The following FBLN2 variants were observed in gnomAD, a reference collection of about 807,000 sequenced individuals.
The protein encoded by FBLN2 is fibulin 2, also known as fibulin-2.
In FBLN2, 81 loss-of-function variants were observed where a neutral mutation model predicts 123.7. That is an observed-to-expected ratio of 0.65 (90% CI 0.55 to 0.79). The LOEUF (loss-of-function observed/expected upper bound fraction) is 0.79. Among genes scored for constraint, FBLN2 ranks in the 30% least tolerant of loss-of-function variants. FBLN2 has a pLI of 0.00. For synonymous variants in FBLN2, 699 were observed against 701.4 expected, an observed-to-expected ratio of 1.00 and a Z score of 0.05; for missense variants, 1,603 against 1,681.3, an observed-to-expected ratio of 0.95 and a Z score of 0.81.
chr3:13,612,934 C>T (rs907813559), intron 4 of FBLN2, among the ~76,000 whole-genome samples: 1 of 152,168 alleles, frequency 6.6e-6, no homozygotes, highest in African/African-American at 2.4e-5. Flanking sequence ...CAGCTGAGTA[C>T]TTCTGCTGAC....
chr3:13,587,049 G>A (rs1704529700), intron 2 of FBLN2, among the ~76,000 whole-genome samples: 1 of 150,758 alleles, frequency 6.6e-6, no homozygotes, highest in Admixed American at 6.6e-5. Context: ...GGAGGCTGAG[G>A]TAGGAGAATC....
chr3:13,562,473 C>T (rs1052554317), intron 1 of FBLN2, among the ~76,000 whole-genome samples: 1 of 151,668 alleles, frequency 6.6e-6, no homozygotes, highest in African/African-American at 2.4e-5. Context: ...TCTCGTGCCT[C>T]AGCCTCCCAA....
chr3:13,609,477 G>A, intron 3 of FBLN2, 36 bp from the exon 4 acceptor site: 1 of 1,518,282 alleles, frequency 6.6e-7, no homozygotes, highest in Non-Finnish European at 8.8e-7. Context: ...AGGATGAGGT[G>A]GGCGACTGGG....
At chr3:13,567,138 T>C (rs1433953798) in intron 1 of FBLN2, among the ~76,000 whole-genome samples, 1 of 145,894 alleles carries the variant, frequency 6.9e-6, no homozygotes, top group Non-Finnish European at 1.5e-5. Context: ...AGGGGCCAGG[T>C]CACCCTGGGG....
chr3:13,587,633 G>T (rs1444122537), intron 2 of FBLN2, among the ~76,000 whole-genome samples: 1 of 152,188 alleles, frequency 6.6e-6, no homozygotes, highest in Non-Finnish European at 1.5e-5. Flanking sequence ...GGAAGTGGGG[G>T]TCAGAGAGGC....
At chr3:13,588,403 T>G (rs931714933) in intron 2 of FBLN2, among the ~76,000 whole-genome samples, 1 of 152,214 alleles carries the variant, frequency 6.6e-6, no homozygotes, top group African/African-American at 2.4e-5. Context: ...GACGCATGAT[T>G]GTGTGGGGTG....
chr3:13,627,105 CAGAGATGGCAG>C (rs1041709424), intron 10 of FBLN2, among the ~76,000 whole-genome samples: 3 of 151,878 alleles, frequency 2.0e-5, no homozygotes, highest in Non-Finnish European at 4.4e-5. Context: ...CACAGGCAAA[CAGAGATGGCAG>C]AGTGACTGGG....
chr3:13,549,596 C>G (rs1703268887), intron 1 of FBLN2, among the ~76,000 whole-genome samples: 1 of 145,978 alleles, frequency 6.9e-6, no homozygotes, highest in African/African-American at 2.5e-5. Context: ...ACCGCAGGAC[C>G]TTGCCGCCCC....
intron 16 of FBLN2, among the ~76,000 whole-genome samples, chr3:13,632,636 G>A (rs1174896369): frequency 2.0e-5 from 3 of 152,180 alleles, no homozygotes; most frequent in Non-Finnish European, 4.4e-5. Flanking sequence ...AGAGTGCAGT[G>A]TGACCCTAGG....
In FBLN2 at chr3:13,570,608, G is replaced by A. The variant is rs201947824; in HGVS notation, c.253G>A (p.Ala85Thr). The A allele has an allele frequency of 1.1e-5, 18 of 1,577,900 alleles. No individual in the cohort carries two copies. Among genetic ancestry groups the A allele is most frequent in the Admixed American group, 5.5e-5 (3 of 54,990 alleles). ...QGGFVRGRVP[A>T]GQSYFVDFGS... The stretch of plus-strand genomic sequence containing the variant: ...TGGCTTCGTGCGCGGCCGCGTGCCC[G>A]CCGGTCAGTCCTATTTTGTGGACTT... Residue 85 changes from alanine to threonine, a missense_variant, in exon 2 of 18, where the codon GCC becomes ACC. Coordinates refer to ENST00000404922, the MANE Select transcript of FBLN2 (RefSeq NM_001004019.2).
chr3:13,571,770 G>A, intron 2 of FBLN2, 109 bp downstream of exon 2: 1 of 1,356,186 alleles, frequency 7.4e-7, no homozygotes, highest in Non-Finnish European at 9.8e-7. Context: ...TGGACTGTGG[G>A]GCCAGGCCTA....
chr3:13,570,935 G>A lies in FBLN2; in HGVS notation c.580G>A (p.Glu194Lys), dbSNP rs369891750. 9.1e-5 allele frequency: 146 copies of A among 1,612,870 alleles called. No individual in the cohort carries two copies. Among genetic ancestry groups the A allele is most frequent in the South Asian group, 7.2e-4 (65 of 90,898 alleles). Residue 194 changes from glutamate (E) to lysine (K), a missense_variant, in exon 2 of 18, where the codon GAA becomes AAA. Coordinates refer to ENST00000404922, the MANE Select transcript of FBLN2 (RefSeq NM_001004019.2). ...GGAGGGTGACCCCGAGCGACACTAC[G>A]AAGACCCCTACAGCTATGACCAGGA... ...AEEGDPERHY[E>K]DPYSYDQEVA...
At chr3:13,631,161 T>A (rs2124909533) in intron 15 of FBLN2, among the ~76,000 whole-genome samples, 168 bp from the exon 16 acceptor site, 1 of 152,276 alleles carries the variant, frequency 6.6e-6, no homozygotes, top group Non-Finnish European at 1.5e-5. Flanking sequence ...GGGAGTCCTG[T>A]TTTGCTTCGT....
At chr3:13,601,355 C>T (rs1006813334) in intron 2 of FBLN2, among the ~76,000 whole-genome samples, 2 of 152,214 alleles carry the variant, frequency 1.3e-5, no homozygotes, top group African/African-American at 2.4e-5. Context: ...TGCCTCCTGT[C>T]ACCAGAAGTA....
chr3:13,570,929 C>A lies in FBLN2; in HGVS notation c.574C>A (p.His192Asn), dbSNP rs1703921693. The A allele has an allele frequency of 6.2e-7, 1 of 1,612,784 alleles. No homozygotes were observed. The highest frequency in any genetic ancestry group is 1.1e-5 in the South Asian group (1 of 90,936). Residue 192 changes from histidine (H) to asparagine (N), a missense_variant, in exon 2 of 18, where the codon CAC (histidine) becomes AAC (asparagine). By Grantham distance (68) the His-to-Asn change is moderately conservative. Transcript: ENST00000404922. ...SDAEEGDPERHYEDPYSYDQE... is the reference protein window; with the variant it reads ...SDAEEGDPERNYEDPYSYDQE... The stretch of plus-strand genomic sequence containing the variant: ...TGCCGAGGAGGGTGACCCCGAGCGA[C>A]ACTACGAAGACCCCTACAGCTATGA...
intron 4 of FBLN2, 50 bp downstream of exon 4, chr3:13,609,692 G>GGGGGGGGGGGGGGT (rs1705327453): frequency 1.8e-4 from 89 of 508,376 alleles, no homozygotes; most frequent in Non-Finnish European, 2.6e-4. Flanking sequence ...GGCGGGGCGG[G>GGGGGGGGGGGGGGT]AGGCTGGCCT....
intron 4 of FBLN2, among the ~76,000 whole-genome samples, chr3:13,612,555 G>A (rs1450228278): frequency 6.6e-6 from 1 of 151,800 alleles, no homozygotes; most frequent in Non-Finnish European, 1.5e-5. Context: ...TGATTTTTTT[G>A]TATTTTTAGT....
rs1021916375 is a variant in FBLN2 at position 13,638,156 on chromosome 3, G to A, written c.*237G>A. ...TTGCACGGTGGGCCACGGCCGTGGCGGGTGCCCTGTGGGTGAGGCTGGGTG... is the reference window on the plus strand; with the variant it reads ...TTGCACGGTGGGCCACGGCCGTGGCAGGTGCCCTGTGGGTGAGGCTGGGTG... On this transcript the variant is annotated 3_prime_UTR_variant, in exon 18 of 18. Coordinates refer to ENST00000404922, the MANE Select transcript of FBLN2 (RefSeq NM_001004019.2). The A allele has an allele frequency of 6.2e-6, 4 of 645,330 alleles. No homozygotes were observed. The highest frequency in any genetic ancestry group is 1.1e-5 in the Non-Finnish European group (4 of 361,990). The allele number at this position is 645,330 out of a possible 1,614,324, so 40.0% of individuals were successfully genotyped here.
chr3:13,550,621 G>A (rs1032668377), intron 1 of FBLN2, among the ~76,000 whole-genome samples: 5 of 152,328 alleles, frequency 3.3e-5, no homozygotes, highest in African/African-American at 9.6e-5. Context: ...TGGATTGGGA[G>A]CTGGTGTGTG....
Sources: gnomAD v4.1 joint callset for allele counts (sites outside exome capture counted in the v4.1 genomes callset) on GRCh38, gnomAD v4.1.1 for gene constraint, MANE v1.5 for transcripts, NCBI Gene and HGNC (gene_info 2026-07-23, HGNC 2026-07-21) for gene names.